Variants in WDR6 observed in about 807,000 individuals in gnomAD.
WDR6 encodes the protein tRNA (34-2'-O)-methyltransferase regulator WDR6.
WDR6 carries 58 observed loss-of-function variants against 85.6 expected under a neutral mutation model. The ratio of observed to expected loss-of-function variants is 0.68; its 90% CI spans 0.55 to 0.84. The LOEUF (loss-of-function observed/expected upper bound fraction) is 0.84, where lower values mean the gene tolerates loss of function less well. WDR6 is among the 40% of genes least tolerant of loss of function. The pLI, the probability that WDR6 is intolerant of heterozygous loss-of-function variation, is 0.00. For missense variants in WDR6, 1,310 were observed against 1,476.4 expected (o/e 0.89, Z 1.85); for synonymous variants, 569 against 582.2 (o/e 0.98, Z 0.33).
At position 49,014,097 on chromosome 3, in the gene WDR6, A is replaced by G; in HGVS notation, c.2563A>G (p.Lys855Glu). 1 of 1,613,266 alleles carries G rather than the reference A, an allele frequency of 6.2e-7. No individual in the cohort carries two copies. The highest frequency in any genetic ancestry group is 8.5e-7 in the Non-Finnish European group (1 of 1,179,596). The change falls in exon 2 of 6, where the codon AAG becomes GAG. Residue 855 changes from lysine (K) to glutamate (E), a missense_variant. Coordinates refer to ENST00000608424, the MANE Select transcript of WDR6 (RefSeq NM_018031.6). The surrounding 1 kb of genome is among the most constrained non-coding windows in gnomAD (Gnocchi z 4.9). ...DRQRNRHRMVKVDPETRYMSL... is the reference protein window; with the variant it reads ...DRQRNRHRMVEVDPETRYMSL... ...GCAACGCAATCGGCATCGGATGGTT[A>G]AGGTAGACCCAGAGACCAGGTAATA...
At position 49,012,114 on chromosome 3, in the gene WDR6, G is replaced by C. The variant is rs1436366456; in HGVS notation, c.580G>C (p.Ala194Pro). The part of the protein sequence containing the change: ...LLVWYPATAL[A>P]DNKPVAPDRR... Reference sequence around the variant, plus strand: ...GGTCTGGTACCCAGCAACTGCCTTAGCAGACAACAAACCTGTAGCACCTGA... The same window carrying C: ...GGTCTGGTACCCAGCAACTGCCTTACCAGACAACAAACCTGTAGCACCTGA... Residue 194 changes from alanine (A) to proline (P), a missense_variant, in exon 2 of 6, where the codon GCA becomes CCA. Coordinates refer to ENST00000608424, the MANE Select transcript of WDR6 (RefSeq NM_018031.6). This position sits in a 1 kb window ranked among gnomAD's most constrained non-coding sequence, Gnocchi z 4.4. 6.2e-7 allele frequency: 1 copy of C among 1,614,104 alleles called. No individual in the cohort carries two copies. The highest frequency in any genetic ancestry group is 2.2e-5 in the East Asian group (1 of 44,880).
chr3:49,014,139 G>C lies in WDR6; in HGVS notation c.2582+23G>C. On this transcript the variant is annotated intron_variant, in intron 2 of 5. Coordinates refer to ENST00000608424, the MANE Select transcript of WDR6 (RefSeq NM_018031.6). This position sits in a 1 kb window ranked among gnomAD's most constrained non-coding sequence, Gnocchi z 4.9. ...CAGGTAATATATGCTCCTGGGCAGGGTGTGGTATGGGTCATGCAGATGCTC... is the reference window on the plus strand; with the variant it reads ...CAGGTAATATATGCTCCTGGGCAGGCTGTGGTATGGGTCATGCAGATGCTC... 1.9e-6 allele frequency: 3 copies of C among 1,613,832 alleles called. No individual in the cohort carries two copies. The highest frequency in any genetic ancestry group is 2.2e-5 in the South Asian group (2 of 91,082).
Position 49,007,759 on chromosome 3 carries a change from C to A in WDR6, c.100+228C>A. 8.4e-7 allele frequency: 1 copy of A among 1,196,948 alleles called. No homozygotes were observed. Among genetic ancestry groups the A allele is most frequent in the Non-Finnish European group, 1.1e-6 (1 of 932,224 alleles). 74.1% of individuals were successfully genotyped at this position (1,196,948 alleles called of 1,614,324 possible). ...TGTGGCCGCCGCGGCGCTTCATAAACTTCAGCCCGCGTGGAAAGGGCGGGT... is the reference window on the plus strand; with the variant it reads ...TGTGGCCGCCGCGGCGCTTCATAAAATTCAGCCCGCGTGGAAAGGGCGGGT... On this transcript the variant is annotated intron_variant, in intron 1 of 5. Transcript: ENST00000608424. This position sits in a 1 kb window ranked among gnomAD's most constrained non-coding sequence, Gnocchi z 5.1.
In WDR6 at chr3:49,015,169, A is replaced by G; in HGVS notation, c.3247A>G (p.Ser1083Gly). 6.2e-7 allele frequency: 1 copy of G among 1,613,956 alleles called. No individual in the cohort carries two copies. The highest frequency in any genetic ancestry group is 8.5e-7 in the Non-Finnish European group (1 of 1,180,038). The change falls in exon 6 of 6, where the codon AGC (serine) becomes GGC (glycine). Residue 1083 changes from serine (S) to glycine (G), a missense_variant. Transcript: ENST00000608424. ...LGHGEPTFMN[S>G]TVFHVPDVAD... is the part of the protein sequence containing the mutation. ...GCATGGTGAACCCACCTTCATGAAT[A>G]GCACTGTGTTCCATGTGCCTGATGT...
Position 49,014,130 on chromosome 3 carries a change from C to T in WDR6, c.2582+14C>T, listed in dbSNP as rs1384754552. ...CCCAGAGACCAGGTAATATATGCTC[C>T]TGGGCAGGGTGTGGTATGGGTCATG... On this transcript the variant is annotated intron_variant, in intron 2 of 5. Coordinates refer to ENST00000608424, the MANE Select transcript of WDR6 (RefSeq NM_018031.6). This position sits in a 1 kb window ranked among gnomAD's most constrained non-coding sequence, Gnocchi z 4.9. The T allele has an allele frequency of 6.2e-7, 1 of 1,613,548 alleles. No homozygotes were observed. Among genetic ancestry groups the T allele is most frequent in the East Asian group, 2.2e-5 (1 of 44,862 alleles).
At position 49,012,052 on chromosome 3, in the gene WDR6, T is replaced by C; in HGVS notation, c.518T>C (p.Leu173Pro). The stretch of plus-strand genomic sequence containing the variant: ...CTGATTGGAGACGCCTGGAAGGAGC[T>C]GACCATAGTGGCAGGTGCTGTTTCC... ...ACLIGDAWKELTIVAGAVSNQ... is the reference protein window; with the variant it reads ...ACLIGDAWKEPTIVAGAVSNQ... The change falls in exon 2 of 6, where the codon CTG becomes CCG. Residue 173 changes from leucine to proline, a missense_variant. Physicochemically the swap from Leu to Pro is moderately conservative, Grantham distance 98. Transcript: ENST00000608424. The surrounding 1 kb of genome is among the most constrained non-coding windows in gnomAD (Gnocchi z 4.4). 1 of 1,614,142 alleles carries C rather than the reference T, an allele frequency of 6.2e-7. No individual in the cohort carries two copies. The highest frequency in any genetic ancestry group is 8.5e-7 in the Non-Finnish European group (1 of 1,180,036).
intron 1 of WDR6, among the ~76,000 whole-genome samples, chr3:49,009,574 A>G (rs531830512): frequency 2.0e-5 from 3 of 152,216 alleles, no homozygotes; most frequent in Non-Finnish European, 2.9e-5. Flanking sequence ...ACTTGCCAGT[A>G]GCACAACCCC....
Position 49,012,604 on chromosome 3 carries a change from C to T in WDR6, c.1070C>T (p.Ala357Val), listed in dbSNP as rs1338337854. The change falls in exon 2 of 6, where the codon GCT (alanine) becomes GTT (valine). Residue 357 changes from alanine (A) to valine (V), a missense_variant. Coordinates refer to ENST00000608424, the MANE Select transcript of WDR6 (RefSeq NM_018031.6). The surrounding 1 kb of genome is among the most constrained non-coding windows in gnomAD (Gnocchi z 4.4). ...GGTACACTCAAGGCTGTGACTCTGG[C>T]TGGCTCTTGGCGACTGCTGGCAGTG... ...RPGTLKAVTLAGSWRLLAVTD... is the reference protein window; with the variant it reads ...RPGTLKAVTLVGSWRLLAVTD... The T allele has an allele frequency of 6.2e-7, 1 of 1,614,068 alleles. No individual in the cohort carries two copies.
chr3:49,014,750 C>T lies in WDR6; in HGVS notation c.2902+32C>T. ...AGCTAATGTGCAACCATGGCTACCC[C>T]TCCTCACCTGTCACATAGCCCTCAC... On this transcript the variant is annotated intron_variant, in intron 5 of 5. Coordinates refer to ENST00000608424, the MANE Select transcript of WDR6 (RefSeq NM_018031.6). The surrounding 1 kb of genome is among the most constrained non-coding windows in gnomAD (Gnocchi z 4.9). The T allele has an allele frequency of 1.9e-6, 3 of 1,611,666 alleles. No homozygotes were observed. Among genetic ancestry groups the T allele is most frequent in the Non-Finnish European group, 1.7e-6 (2 of 1,178,574 alleles).
Position 49,012,480 on chromosome 3 carries a change from G to A in WDR6, c.946G>A (p.Gly316Arg). The change falls in exon 2 of 6, where the codon GGG (glycine) becomes AGG (arginine). Residue 316 changes from glycine (G) to arginine (R), a missense_variant. Gly to Arg is a moderately radical substitution (Grantham distance 125). Coordinates refer to ENST00000608424, the MANE Select transcript of WDR6 (RefSeq NM_018031.6). The surrounding 1 kb of genome is among the most constrained non-coding windows in gnomAD (Gnocchi z 4.4). ...TGAGAGGCAGGCCTGGGTGATCACT[G>A]GGGGTGATGACTCAGGCATTCGGCT... Reference protein sequence around the residue: ...AHERQAWVITGGDDSGIRLWH... With the variant: ...AHERQAWVITRGDDSGIRLWH... 6.2e-7 allele frequency: 1 copy of A among 1,614,152 alleles called. No homozygotes were observed. Among genetic ancestry groups the A allele is most frequent in the Non-Finnish European group, 8.5e-7 (1 of 1,180,028 alleles).
chr3:49,014,137 G>T lies in WDR6; in HGVS notation c.2582+21G>T. The T allele has an allele frequency of 6.2e-7, 1 of 1,613,698 alleles. No individual in the cohort carries two copies. Among genetic ancestry groups the T allele is most frequent in the Non-Finnish European group, 8.5e-7 (1 of 1,179,662 alleles). On this transcript the variant is annotated intron_variant, in intron 2 of 5. Coordinates refer to ENST00000608424, the MANE Select transcript of WDR6 (RefSeq NM_018031.6). The surrounding 1 kb of genome is among the most constrained non-coding windows in gnomAD (Gnocchi z 4.9). ...ACCAGGTAATATATGCTCCTGGGCA[G>T]GGTGTGGTATGGGTCATGCAGATGC...
At position 49,012,214 on chromosome 3, in the gene WDR6, C is replaced by T. The variant is rs777471185; in HGVS notation, c.680C>T (p.Ala227Val). 44 of 1,614,166 alleles carry T rather than the reference C, an allele frequency of 2.7e-5. No homozygotes were observed. The highest frequency in any genetic ancestry group is 3.6e-5 in the Non-Finnish European group (43 of 1,180,060). The change falls in exon 2 of 6, where the codon GCT (alanine) becomes GTT (valine). Residue 227 changes from alanine (A) to valine (V), a missense_variant. By Grantham distance (64) the Ala-to-Val change is moderately conservative. Transcript: ENST00000608424. The surrounding 1 kb of genome is among the most constrained non-coding windows in gnomAD (Gnocchi z 4.4). ...YLESKGLLAT[A>V]SEDRSVRIWK... ...GAAAGCAAGGGATTGCTGGCTACAG[C>T]TTCAGAAGACCGAAGCGTTCGTATC...
chr3:49,014,512 G>A lies in WDR6; in HGVS notation c.2783+13G>A. On this transcript the variant is annotated intron_variant, in intron 4 of 5. Coordinates refer to ENST00000608424, the MANE Select transcript of WDR6 (RefSeq NM_018031.6). This position sits in a 1 kb window ranked among gnomAD's most constrained non-coding sequence, Gnocchi z 4.9. ...CCAACCAGAGGCGGTGAGAGGGGCT[G>A]GATGATGGTCCTGCATGGGCTGGGT... is the stretch of plus-strand genomic sequence containing the variant. 1 of 1,614,016 alleles carries A rather than the reference G, an allele frequency of 6.2e-7. No individual in the cohort carries two copies. Among genetic ancestry groups the A allele is most frequent in the Non-Finnish European group, 8.5e-7 (1 of 1,179,984 alleles).
In WDR6 at chr3:49,013,187, G is replaced by A. The variant is rs772629585; in HGVS notation, c.1653G>A (p.Gly551=). The change falls in exon 2 of 6, where the codon GGG becomes GGA. Residue 551 remains glycine (G), a synonymous_variant. Coordinates refer to ENST00000608424, the MANE Select transcript of WDR6 (RefSeq NM_018031.6). This position sits in a 1 kb window ranked among gnomAD's most constrained non-coding sequence, Gnocchi z 4.6. ...TGGGTAGTGGTAGTAGTGGGGGTGG[G>A]AATGCTTTCACTGGGTTGGGCCCAG... is the stretch of plus-strand genomic sequence containing the variant. The part of the protein sequence containing the change: ...PVVGSGSSGG[G]NAFTGLGPVS... 4 of 1,612,784 alleles carry A rather than the reference G, an allele frequency of 2.5e-6. No individual in the cohort carries two copies. The African/African-American group carries it at 4.0e-5, about 16-fold the overall frequency.
chr3:49,011,056 G>A, intron 1 of WDR6: 1 of 441,130 alleles, frequency 2.3e-6, no homozygotes, highest in South Asian at 1.6e-5. Context: ...CACAAAGTCA[G>A]CACTGAAAGT....
chr3:49,012,378 G>C lies in WDR6; in HGVS notation c.844G>C (p.Val282Leu), dbSNP rs753253838. 1 of 1,614,062 alleles carries C rather than the reference G, an allele frequency of 6.2e-7. No homozygotes were observed. The highest frequency in any genetic ancestry group is 8.5e-7 in the Non-Finnish European group (1 of 1,180,038). Reference protein sequence around the residue: ...ISAGEDCVCLVWSHEGEILQA... With the variant: ...ISAGEDCVCLLWSHEGEILQA... The stretch of plus-strand genomic sequence containing the variant: ...TGCAGGAGAGGATTGTGTCTGCTTG[G>C]TGTGGAGCCATGAAGGTGAGATCCT... Residue 282 changes from valine to leucine, a missense_variant, in exon 2 of 6, where the codon GTG becomes CTG. By Grantham distance (32) the Val-to-Leu change is conservative (BLOSUM62 1). Transcript: ENST00000608424. The surrounding 1 kb of genome is among the most constrained non-coding windows in gnomAD (Gnocchi z 4.4).
chr3:49,009,980 C>T (rs1183400450), intron 1 of WDR6, among the ~76,000 whole-genome samples: 1 of 151,726 alleles, frequency 6.6e-6, no homozygotes, highest in Admixed American at 6.6e-5. Flanking sequence ...CTCCTGCCTT[C>T]CAAAGTGCTG....
Position 49,012,990 on chromosome 3 carries a change from C to G in WDR6, c.1456C>G (p.Leu486Val). 1 of 1,613,896 alleles carries G rather than the reference C, an allele frequency of 6.2e-7. No homozygotes were observed. The highest frequency in any genetic ancestry group is 8.5e-7 in the Non-Finnish European group (1 of 1,179,940). ...IFVKERCRYL[L>V]PPSKQRWHTC... ...TGTCAAGGAACGTTGTCGGTACCTG[C>G]TGCCCCCAAGCAAGCAGAGATGGCA... The change falls in exon 2 of 6, where the codon CTG (leucine) becomes GTG (valine). Residue 486 changes from leucine (L) to valine (V), a missense_variant. Physicochemically the swap from Leu to Val is conservative, Grantham distance 32. Coordinates refer to ENST00000608424, the MANE Select transcript of WDR6 (RefSeq NM_018031.6). This position sits in a 1 kb window ranked among gnomAD's most constrained non-coding sequence, Gnocchi z 4.4.
Position 49,014,225 on chromosome 3 carries a change from T to G in WDR6, c.2598T>G (p.Ala866=). Residue 866 remains alanine, a synonymous_variant, in exon 3 of 6, where the codon GCT becomes GCG. Transcript: ENST00000608424. The surrounding 1 kb of genome is among the most constrained non-coding windows in gnomAD (Gnocchi z 4.9). ...VDPETRYMSL[A]VCELDQPGLG... Reference sequence around the variant, plus strand: ...GTCTCTGCAGGTACATGTCCCTTGCTGTGTGTGAACTTGACCAGCCCGGCC... The same window carrying G: ...GTCTCTGCAGGTACATGTCCCTTGCGGTGTGTGAACTTGACCAGCCCGGCC... The G allele has an allele frequency of 6.2e-7, 1 of 1,614,168 alleles. No individual in the cohort carries two copies.
Sources: allele counts gnomAD v4.1 joint callset (sites outside exome capture counted in the v4.1 genomes callset), GRCh38; gene constraint gnomAD v4.1.1; non-coding constraint Gnocchi (gnomAD v3.1); transcripts MANE v1.5; gene names NCBI Gene and HGNC (gene_info 2026-07-23, HGNC 2026-07-21).